DGKB: variants seen among roughly 807,000 people sequenced by gnomAD.
The protein encoded by DGKB is 90 kDa diacylglycerol kinase.
A neutral mutation model predicts 114.3 loss-of-function variants in DGKB; 67 were observed. The observed-to-expected ratio is 0.59, with a 90% CI of 0.48 to 0.72. The LOEUF is 0.72. Among genes scored for constraint, DGKB ranks in the 30% least tolerant of loss-of-function variants. The probability of loss-of-function intolerance (pLI) is 0.00; values close to 1 mark genes in which losing one functional copy is unlikely to be tolerated. For synonymous variants in DGKB, 398 were observed against 323.1 expected (o/e 1.23, Z -2.49); for missense variants, 907 against 975.2 (o/e 0.93, Z 0.93).
intron 21 of DGKB, among the ~76,000 whole-genome samples, chr7:14,396,514 T>G (rs898303731): frequency 7.2e-5 from 11 of 152,128 alleles, no homozygotes; most frequent in Admixed American, 7.2e-4. Flanking sequence ...GATACTCAAG[T>G]TCACCTCAAA....
At position 14,757,654 on chromosome 7, in the gene DGKB, C is replaced by T. The variant is rs767321913; in HGVS notation, c.147+1G>A. ...CTGATATAAAGAAAAAGAAGTTTTA[C>T]CCCTTCAGGATTATACTTTGCAAGC... On this transcript the variant is annotated splice_donor_variant, in intron 3 of 25. Transcript: ENST00000402815. LOFTEE classifies it high-confidence loss of function. 6.4e-7 allele frequency: 1 copy of T among 1,563,028 alleles called. No homozygotes were observed. The highest frequency in any genetic ancestry group is 1.7e-5 in the Admixed American group (1 of 57,234).
At position 14,730,956 on chromosome 7, in the gene DGKB, T is replaced by G. The variant is rs139785139; in HGVS notation, c.322+5085A>C. On this transcript the variant is annotated intron_variant, in intron 5 of 25. Coordinates refer to ENST00000402815, the MANE Select transcript of DGKB (RefSeq NM_001350709.2). ...ATCAGGCTTCTGTTTGAAAGAACGT[T>G]TTGGAGATGGGAAGTCAGGGCCTGC... Among the ~76,000 whole-genome samples the G allele has an allele frequency of 2.9e-3, 434 of 152,176 alleles. 4 individuals carry two copies. The highest frequency in any genetic ancestry group is 9.9e-3 in the African/African-American group (413 of 41,522).
chr7:14,692,085 T>C (rs1331612485), intron 9 of DGKB, among the ~76,000 whole-genome samples: 3 of 152,076 alleles, frequency 2.0e-5, no homozygotes, highest in African/African-American at 7.2e-5. Context: ...CATATAGATT[T>C]GTGGACTCTA....
chr7:14,218,205 G>A lies in DGKB; in HGVS notation c.2123-40054C>T, dbSNP rs141085740. 5.5e-3 allele frequency among the ~76,000 whole-genome samples: 833 copies of A among 152,108 alleles called. 7 individuals are homozygous for A. The highest frequency in any genetic ancestry group is 0.019 in the African/African-American group (801 of 41,546). ...ATACGAGGTATTCCAGTATTCATGT[G>A]TTCAAAATAGAGAAGAGGAAAAGAA... On this transcript the variant is annotated intron_variant, in intron 23 of 25. Transcript: ENST00000402815.
chr7:14,547,160 T>C (rs563487483), intron 20 of DGKB, among the ~76,000 whole-genome samples: 1 of 152,294 alleles, frequency 6.6e-6, no homozygotes, highest in East Asian at 1.9e-4. Context: ...TTATACTTAA[T>C]GTTACTCAGA....
At chr7:14,638,243 A>G (rs904790335) in intron 13 of DGKB, among the ~76,000 whole-genome samples, 5 of 152,134 alleles carry the variant, frequency 3.3e-5, no homozygotes, top group Admixed American at 6.6e-5. Context: ...TTCGAAATTT[A>G]GTAGTAACTA....
At chr7:14,603,267 A>G (rs891219124) in intron 17 of DGKB, among the ~76,000 whole-genome samples, 7 of 152,152 alleles carry the variant, frequency 4.6e-5, no homozygotes, top group Non-Finnish European at 8.8e-5. Flanking sequence ...TTATTTTATG[A>G]TTAATCATGA....
At chr7:14,815,412 T>C (rs1419530468) in intron 2 of DGKB, among the ~76,000 whole-genome samples, 1 of 152,254 alleles carries the variant, frequency 6.6e-6, no homozygotes, top group Non-Finnish European at 1.5e-5. Context: ...CAAGTCTGGA[T>C]ATCTTTTGGC....
At chr7:14,681,133 A>G (rs1285943464) in intron 12 of DGKB, among the ~76,000 whole-genome samples, 1 of 152,062 alleles carries the variant, frequency 6.6e-6, no homozygotes, top group Admixed American at 6.6e-5. Flanking sequence ...TGGTTTTTAA[A>G]AATCTACATG....
chr7:14,690,038 CA>C, intron 9 of DGKB, among the ~76,000 whole-genome samples: 1 of 152,290 alleles, frequency 6.6e-6, no homozygotes, highest in East Asian at 1.9e-4. Context: ...GTGGGTACAA[CA>C]ATCCACAATA....
intron 12 of DGKB, among the ~76,000 whole-genome samples, chr7:14,674,519 AG>A (rs1402460717): frequency 6.6e-6 from 1 of 152,158 alleles, no homozygotes; most frequent in Non-Finnish European, 1.5e-5. Context: ...CAGATTAGCA[AG>A]TGTTGGGATG....
chr7:14,431,082 A>G (rs1828382640), intron 21 of DGKB, among the ~76,000 whole-genome samples: 1 of 151,720 alleles, frequency 6.6e-6, no homozygotes, highest in Admixed American at 6.6e-5. Context: ...TGAGTCTCTG[A>G]CCTCCCAACA....
intron 5 of DGKB, among the ~76,000 whole-genome samples, chr7:14,729,330 G>A (rs957061480): frequency 2.0e-5 from 3 of 151,678 alleles, no homozygotes; most frequent in East Asian, 2.0e-4. Context: ...CACCGTGTTA[G>A]CCAGGATGGT....
At chr7:14,800,702 A>G (rs907630557) in intron 2 of DGKB, among the ~76,000 whole-genome samples, 4 of 152,190 alleles carry the variant, frequency 2.6e-5, no homozygotes, top group Non-Finnish European at 5.9e-5. Flanking sequence ...CAGGAGACCC[A>G]ATGTTTCTAC....
At chr7:14,409,183 TTG>T (rs1824435783) in intron 21 of DGKB, among the ~76,000 whole-genome samples, 1 of 152,078 alleles carries the variant, frequency 6.6e-6, no homozygotes, top group Non-Finnish European at 1.5e-5. Flanking sequence ...GGCTCAAGTG[TTG>T]TGAGTATCTG....
Position 14,146,740 on chromosome 7 carries a change from C to T in DGKB, c.*2391G>A, listed in dbSNP as rs1232344621. The T allele has an allele frequency of 6.6e-6, 1 of 152,048 alleles. No individual in the cohort carries two copies. Among genetic ancestry groups the T allele is most frequent in the African/African-American group, 2.4e-5 (1 of 41,416 alleles). The allele number at this position is 152,048 out of a possible 1,614,324, so 9.4% of individuals were successfully genotyped here. On this transcript the variant is annotated 3_prime_UTR_variant, in exon 26 of 26. Transcript: ENST00000402815. ...AAGTCAAATTGGATTCCTATTTGAA[C>T]ATTTATTATGGGTACCAAAGAATCC...
At chr7:14,755,853 A>C (rs1482882104) in intron 3 of DGKB, among the ~76,000 whole-genome samples, 1 of 152,080 alleles carries the variant, frequency 6.6e-6, no homozygotes, top group Admixed American at 6.6e-5. Context: ...CTCTTAATTT[A>C]GAATTGTTCT....
intron 6 of DGKB, 94 bp downstream of exon 6, chr7:14,718,448 T>A: frequency 8.7e-7 from 1 of 1,147,184 alleles, no homozygotes; most frequent in South Asian, 2.3e-5. Flanking sequence ...ACAAAAATTA[T>A]ACAACTATAC....
chr7:14,252,114 A>T (rs1016826764), intron 23 of DGKB, among the ~76,000 whole-genome samples: 2 of 151,972 alleles, frequency 1.3e-5, no homozygotes, highest in Non-Finnish European at 2.9e-5. Flanking sequence ...CTCATTCTGA[A>T]TCTTGTATAA....
Sources: allele counts gnomAD v4.1 joint callset (sites outside exome capture counted in the v4.1 genomes callset), GRCh38; gene constraint gnomAD v4.1.1; transcripts MANE v1.5; gene names NCBI Gene and HGNC (gene_info 2026-07-23, HGNC 2026-07-21).